SH3BP5: variants seen among roughly 807,000 people sequenced by gnomAD.
SH3BP5 encodes SH3 domain binding protein 5.
In SH3BP5, 22 loss-of-function variants were observed where a neutral mutation model predicts 43.3. The observed-to-expected ratio is 0.51, with a 90% CI of 0.36 to 0.73. SH3BP5 has a LOEUF of 0.73. Ranked by LOEUF, SH3BP5 falls within the 30% of genes least tolerant of loss-of-function variation. The pLI, the probability that SH3BP5 is intolerant of heterozygous loss-of-function variation, is 0.00. For synonymous variants in SH3BP5, 255 were observed against 225.8 expected (o/e 1.13, Z -1.16); for missense variants, 529 against 586.9 (o/e 0.90, Z 1.02).
At chr3:15,328,296 G>C (rs1323788009) in intron 2 of SH3BP5, among the ~76,000 whole-genome samples, 7 of 152,018 alleles carry the variant, frequency 4.6e-5, no homozygotes, top group Non-Finnish European at 8.8e-5. Flanking sequence ...GAGTTTAACA[G>C]ATTAACCAAT....
chr3:15,281,536 C>T (rs1201365745), intron 3 of SH3BP5, among the ~76,000 whole-genome samples: 2 of 152,178 alleles, frequency 1.3e-5, no homozygotes, highest in Non-Finnish European at 2.9e-5. Context: ...TGGCCAGTTG[C>T]TCCCTCCCCC....
intron 2 of SH3BP5, among the ~76,000 whole-genome samples, chr3:15,309,897 C>T (rs1461758164): frequency 7.5e-6 from 1 of 134,022 alleles, no homozygotes; most frequent in Non-Finnish European, 1.6e-5. Flanking sequence ...AGCCAGTCTT[C>T]CCCGCTCCAC....
chr3:15,324,788 G>C (rs1698418861), intron 2 of SH3BP5, among the ~76,000 whole-genome samples: 1 of 148,428 alleles, frequency 6.7e-6, no homozygotes, highest in Non-Finnish European at 1.5e-5. Context: ...GCAGCTTCCA[G>C]TTTACTCTCA....
intron 2 of SH3BP5, among the ~76,000 whole-genome samples, chr3:15,330,102 C>G (rs1455625253): frequency 1.3e-5 from 2 of 152,252 alleles, no homozygotes; most frequent in Admixed American, 1.3e-4. Context: ...TCAGAGGAAA[C>G]AACACAACAC....
At chr3:15,330,617 T>G in intron 1 of SH3BP5, 51 bp from the exon 2 acceptor site, 1 of 1,489,450 alleles carries the variant, frequency 6.7e-7, no homozygotes, top group Non-Finnish European at 9.0e-7. Context: ...CGTCTTTTGT[T>G]TCCAATATAA....
intron 2 of SH3BP5, among the ~76,000 whole-genome samples, chr3:15,314,369 C>T (rs1444857521): frequency 6.6e-6 from 1 of 152,060 alleles, no homozygotes; most frequent in Non-Finnish European, 1.5e-5. Context: ...GCCTTCCCTC[C>T]CGCCTCTGTC....
At chr3:15,334,549 C>T (rs1011199891), upstream of SH3BP5, among the ~76,000 whole-genome samples, 61 of 150,134 alleles carry the variant, frequency 4.1e-4, no homozygotes, top group African/African-American at 1.1e-3. Context: ...GGCAACAAAG[C>T]GAGACTGCCT....
chr3:15,265,751 G>A (rs577052739), intron 4 of SH3BP5, among the ~76,000 whole-genome samples: 4 of 152,076 alleles, frequency 2.6e-5, no homozygotes, highest in African/African-American at 9.6e-5. Flanking sequence ...GGAGGAGAGC[G>A]GCTCAGGGGT....
chr3:15,325,495 C>T (rs778369238), intron 2 of SH3BP5, among the ~76,000 whole-genome samples: 39 of 152,228 alleles, frequency 2.6e-4, no homozygotes, highest in Non-Finnish European at 4.9e-4. Context: ...CATTCCTCTC[C>T]CTCCCCTTGC....
Position 15,288,335 on chromosome 3 carries a change from A to T in SH3BP5, c.330+15768T>A, listed in dbSNP as rs112250382. ...CACTGCAGCCCAGTCAAGCTGACAC[A>T]TAAAATTAACCATCACATGTACTAA... On this transcript the variant is annotated intron_variant, in intron 3 of 8. Coordinates refer to ENST00000383791, the MANE Select transcript of SH3BP5 (RefSeq NM_004844.5). Among the ~76,000 whole-genome samples, 1,043 of 152,356 alleles carry T rather than the reference A, an allele frequency of 6.8e-3. 12 individuals are homozygous for T. The highest frequency in any genetic ancestry group is 0.024 in the African/African-American group (1,004 of 41,586).
chr3:15,262,150 C>G lies in SH3BP5; in HGVS notation c.626+9G>C. The stretch of plus-strand genomic sequence containing the variant: ...GCACGGCCCCAGGGAAGGCCCTGTC[C>G]AGACTTACTTGGACTTGTTGATGGC... On this transcript the variant is annotated intron_variant, in intron 5 of 8. Transcript: ENST00000383791. 1 of 1,613,970 alleles carries G rather than the reference C, an allele frequency of 6.2e-7. No individual in the cohort carries two copies. The highest frequency in any genetic ancestry group is 8.5e-7 in the Non-Finnish European group (1 of 1,179,902).
At chr3:15,280,607 C>A (rs1201468795) in intron 3 of SH3BP5, among the ~76,000 whole-genome samples, 2 of 152,188 alleles carry the variant, frequency 1.3e-5, no homozygotes, top group Non-Finnish European at 2.9e-5. Context: ...CCCTGCCAGC[C>A]AGCCACACAG....
chr3:15,274,437 C>A (rs975683662), intron 3 of SH3BP5, among the ~76,000 whole-genome samples: 1 of 152,122 alleles, frequency 6.6e-6, no homozygotes, highest in Admixed American at 6.5e-5. Flanking sequence ...GGGCATCTCA[C>A]AAAGTGCCTG....
intron 2 of SH3BP5, among the ~76,000 whole-genome samples, chr3:15,305,817 G>A (rs1697887381): frequency 6.6e-6 from 1 of 152,086 alleles, no homozygotes; most frequent in Non-Finnish European, 1.5e-5. Flanking sequence ...ACCTTGATAG[G>A]AGTTAGGAAG....
intron 2 of SH3BP5, among the ~76,000 whole-genome samples, chr3:15,325,448 T>G (rs1362371187): frequency 6.6e-6 from 1 of 152,226 alleles, no homozygotes; most frequent in East Asian, 1.9e-4. Flanking sequence ...TTCCCCCACA[T>G]GGCCTGAGGC....
Position 15,273,493 on chromosome 3 carries a change from C to T in SH3BP5, c.331-3616G>A, listed in dbSNP as rs1028259590. ...TCCGGACAAGCGTCTGAAGTTTCTGCGAGATTCCTTCTCCTGTACAGTGAC... is the reference window on the plus strand; with the variant it reads ...TCCGGACAAGCGTCTGAAGTTTCTGTGAGATTCCTTCTCCTGTACAGTGAC... On this transcript the variant is annotated intron_variant, in intron 3 of 8. Coordinates refer to ENST00000383791, the MANE Select transcript of SH3BP5 (RefSeq NM_004844.5). The T allele has an allele frequency of 7.2e-6, 5 of 695,400 alleles. No homozygotes were observed. In the African/African-American group the frequency reaches 7.8e-5, roughly 11 times the overall value. 43.1% of individuals were successfully genotyped at this position (695,400 alleles called of 1,614,324 possible). A position where few individuals can be genotyped will look rare whatever the true frequency, so the allele number is the denominator to read the frequency against.
rs1317174100 is a variant in SH3BP5 at position 15,332,539 on chromosome 3, G to C, written c.-131C>G. On this transcript the variant is annotated 5_prime_UTR_variant, in exon 1 of 9. Transcript: ENST00000383791. ...GGGAGCCGCCGGGGCCGACACCCGG[G>C]AGACGCAGCTCGCCGATGCGGATAC... The C allele has an allele frequency of 8.0e-7, 1 of 1,243,626 alleles. No individual in the cohort carries two copies. Among genetic ancestry groups the C allele is most frequent in the Non-Finnish European group, 1.0e-6 (1 of 996,628 alleles). 77.0% of individuals were successfully genotyped at this position (1,243,626 alleles called of 1,614,324 possible).
At chr3:15,322,085 T>TC (rs1367910295) in intron 2 of SH3BP5, among the ~76,000 whole-genome samples, 2 of 151,970 alleles carry the variant, frequency 1.3e-5, no homozygotes, top group Non-Finnish European at 2.9e-5. Context: ...GCTCCTGTAA[T>TC]CCAGCTACTT....
intron 1 of SH3BP5, chr3:15,331,801 C>G (rs1018895706): frequency 6.3e-6 from 1 of 158,404 alleles, no homozygotes; most frequent in Non-Finnish European, 1.4e-5. Context: ...AGTGAGGACT[C>G]TGCACCCGGG....
Sources: allele counts gnomAD v4.1 joint callset (sites outside exome capture counted in the v4.1 genomes callset), GRCh38; gene constraint gnomAD v4.1.1; transcripts MANE v1.5; gene names NCBI Gene and HGNC (gene_info 2026-07-23, HGNC 2026-07-21).